MARCHF1: variants seen among roughly 807,000 people sequenced by gnomAD.
MARCHF1 encodes membrane associated ring-CH-type finger 1.
A neutral mutation model predicts 54.2 loss-of-function variants in MARCHF1; 40 were observed. The observed-to-expected ratio is 0.74, with a 90% CI of 0.57 to 0.96. The LOEUF (loss-of-function observed/expected upper bound fraction) is 0.96, where lower values mean the gene tolerates loss of function less well. Among genes scored for constraint, MARCHF1 ranks in the 40% least tolerant of loss-of-function variants. MARCHF1 has a pLI of 0.00. For synonymous variants in MARCHF1, 236 were observed against 236.3 expected, an observed-to-expected ratio of 1.00 and a Z score of 0.01; for missense variants, 586 against 656.5, an observed-to-expected ratio of 0.89 and a Z score of 1.17.
In MARCHF1 at chr4:164,158,732, C is replaced by T. The variant is rs540887089; in HGVS notation, c.-322-47070G>A. On this transcript the variant is annotated intron_variant, in intron 1 of 9. Transcript: ENST00000514618. ...TTAACTGTTCCACATGCATCCTCTC[C>T]CCAGCCAGACTGACCTATGTGTTGC... Among the ~76,000 whole-genome samples, 13 of 152,212 alleles carry T rather than the reference C, an allele frequency of 8.5e-5. No homozygotes were observed. In the South Asian group the frequency reaches 2.7e-3, roughly 32 times the overall value.
At chr4:164,212,867 A>C (rs1160464308) in intron 1 of MARCHF1, among the ~76,000 whole-genome samples, 1 of 152,160 alleles carries the variant, frequency 6.6e-6, no homozygotes, top group Non-Finnish European at 1.5e-5. Flanking sequence ...GTGTTTATGC[A>C]ATCATCCAAC....
At position 163,832,797 on chromosome 4, in the gene MARCHF1, T is replaced by C. The variant is rs1175242699; in HGVS notation, c.111+21224A>G. Among the ~76,000 whole-genome samples, 4 of 140,700 alleles carry C rather than the reference T, an allele frequency of 2.8e-5. No individual in the cohort carries two copies. In the Admixed American group the frequency reaches 2.9e-4, roughly 10 times the overall value. The allele number at this position is 140,700 out of a possible 152,430, so 92.3% of individuals were successfully genotyped here. A position where few individuals can be genotyped will look rare whatever the true frequency, so the allele number is the denominator to read the frequency against. On this transcript the variant is annotated intron_variant, in intron 4 of 9. Coordinates refer to ENST00000514618, the MANE Select transcript of MARCHF1 (RefSeq NM_001394959.1). ...ATGTTCCCCTTCCTGTGTCCATGTG[T>C]TCTCATTGTTCAATTCCCACCTACG...
rs543612534 is a variant in MARCHF1, at chr4:163,742,347, TCTCC to T, written c.112-41488_112-41485del. 1.2e-3 allele frequency among the ~76,000 whole-genome samples: 148 copies of T among 124,266 alleles called. 1 individual carries two copies. The highest frequency in any genetic ancestry group is 2.1e-3 in the Admixed American group (24 of 11,584). 81.5% of individuals were successfully genotyped at this position (124,266 alleles called of 152,430 possible). ...CTCCCTCCCTTTCCCTCCCTCCCTC[TCTCC>T]CTCCCTCCCTCCCTCTCTCCCTCCC... On this transcript the variant is annotated intron_variant, in intron 4 of 9. Transcript: ENST00000514618.
intron 2 of MARCHF1, among the ~76,000 whole-genome samples, chr4:164,021,536 C>T (rs541465428): frequency 6.6e-6 from 1 of 152,152 alleles, no homozygotes; most frequent in South Asian, 2.1e-4. Flanking sequence ...CTGAGCTTTG[C>T]TTTTTGTATT....
At chr4:163,550,281 C>CAAAA (rs60320461) in intron 8 of MARCHF1, among the ~76,000 whole-genome samples, 10 of 105,082 alleles carry the variant, frequency 9.5e-5, no homozygotes, top group African/African-American at 2.1e-4. Context: ...GACTCCGTCT[C>CAAAA]AAAAAAAAAA....
intron 4 of MARCHF1, among the ~76,000 whole-genome samples, chr4:163,762,030 G>A (rs936486420): frequency 6.6e-6 from 1 of 152,078 alleles, no homozygotes; most frequent in Admixed American, 6.6e-5. Flanking sequence ...TAAAGCAATA[G>A]GACAGGAATT....
rs1266904991 is a variant in MARCHF1, at chr4:163,612,608, A to G, written c.673T>C (p.Cys225Arg). ...TGGAGATTTAAAGAGCAACTCTCAC[A>G]TTCAATCAGCTCTTGTTGCTCTTTA... ...KGKEQQELIE[C>R]ESCSLNLHRG... Residue 225 changes from cysteine (C) to arginine (R), a missense_variant, in exon 7 of 10, where the codon TGT (cysteine) becomes CGT (arginine). Cys to Arg is a radical substitution (Grantham distance 180, BLOSUM62 -3). This residue lies in a region of MARCHF1 where 387 missense variants were observed against 394.6 expected (regional missense o/e 0.98). Coordinates refer to ENST00000514618, the MANE Select transcript of MARCHF1 (RefSeq NM_001394959.1). The G allele has an allele frequency of 2.6e-6, 4 of 1,535,452 alleles. No homozygotes were observed. In the African/African-American group the frequency reaches 4.1e-5, roughly 16 times the overall value.
chr4:163,812,362 T>C (rs1748415231), intron 4 of MARCHF1, among the ~76,000 whole-genome samples: 1 of 151,990 alleles, frequency 6.6e-6, no homozygotes, highest in African/African-American at 2.4e-5. Context: ...TATATACATA[T>C]TGATTCTATT....
chr4:164,142,953 T>C (rs981743904), intron 1 of MARCHF1, among the ~76,000 whole-genome samples: 10 of 151,884 alleles, frequency 6.6e-5, no homozygotes, highest in African/African-American at 2.4e-4. Context: ...ATAACTAGAA[T>C]AACCAAAACA....
At chr4:164,309,969 C>T (rs1734803130) in intron 1 of MARCHF1, among the ~76,000 whole-genome samples, 1 of 151,766 alleles carries the variant, frequency 6.6e-6, no homozygotes, top group African/African-American at 2.4e-5. Context: ...TTGTCTTTCA[C>T]AACAAATCAT....
At chr4:164,013,737 A>G (rs190232298) in intron 2 of MARCHF1, among the ~76,000 whole-genome samples, 1,023 of 90,198 alleles carry the variant, frequency 0.011, 11 homozygotes, top group African/African-American at 0.03. Context: ...CAAAGTGCTG[A>G]TGGAAAAAAA....
intron 1 of MARCHF1, among the ~76,000 whole-genome samples, chr4:164,166,626 T>C (rs28696232): frequency 0.013 from 1,980 of 152,014 alleles, 40 homozygotes; most frequent in African/African-American, 0.042. Context: ...CTATTTAGCA[T>C]AGTACTGGAA....
intron 1 of MARCHF1, among the ~76,000 whole-genome samples, chr4:164,186,576 T>G (rs1219274458): frequency 6.6e-6 from 1 of 152,200 alleles, no homozygotes; most frequent in Non-Finnish European, 1.5e-5. Context: ...CAGTATGATC[T>G]GAGGTGAAGA....
intron 3 of MARCHF1, among the ~76,000 whole-genome samples, chr4:163,939,503 TC>T (rs1751866831): frequency 6.6e-6 from 1 of 152,180 alleles, no homozygotes; most frequent in Non-Finnish European, 1.5e-5. Context: ...TCTGTGATAA[TC>T]ACTCTTCACA....
chr4:164,065,550 G>A (rs905797881), intron 2 of MARCHF1, among the ~76,000 whole-genome samples: 6 of 152,138 alleles, frequency 3.9e-5, no homozygotes, highest in African/African-American at 1.4e-4. Flanking sequence ...ATCAGTCAGG[G>A]TTCTCCAGAG....
At chr4:164,127,713 GAAGA>G (rs1174601398) in intron 1 of MARCHF1, among the ~76,000 whole-genome samples, 1 of 152,112 alleles carries the variant, frequency 6.6e-6, no homozygotes, top group African/African-American at 2.4e-5. Context: ...AAAATTATGT[GAAGA>G]AAGCTTCAAA....
intron 1 of MARCHF1, among the ~76,000 whole-genome samples, chr4:164,113,006 G>A (rs941897230): frequency 6.6e-6 from 1 of 151,306 alleles, no homozygotes; most frequent in Admixed American, 6.6e-5. Context: ...AAATAAATTT[G>A]ACAAATTAAA....
In MARCHF1 at chr4:163,854,181, T is replaced by C; in HGVS notation, c.-38-12A>G. ...CAATTTCTGAAATTCTGAAAATAAT[T>C]TACATTCCCTGAAACAGGTCACTTA... On this transcript the variant is annotated splice_polypyrimidine_tract_variant and intron_variant, in intron 3 of 9. Transcript: ENST00000514618. The C allele has an allele frequency of 4.0e-6, 6 of 1,496,992 alleles. No homozygotes were observed. Among genetic ancestry groups the C allele is most frequent in the Non-Finnish European group, 5.3e-6 (6 of 1,123,838 alleles). The allele number at this position is 1,496,992 out of a possible 1,614,324, so 92.7% of individuals were successfully genotyped here.
chr4:164,268,893 C>A (rs1180628719), intron 1 of MARCHF1, among the ~76,000 whole-genome samples: 2 of 151,988 alleles, frequency 1.3e-5, no homozygotes, highest in African/African-American at 4.8e-5. Context: ...GAAGGAGCTG[C>A]CATTTACTAG....
Sources: gnomAD v4.1 joint callset for allele counts (sites outside exome capture counted in the v4.1 genomes callset) on GRCh38, gnomAD v4.1.1 for gene constraint, gnomAD v4.1.1 regional missense constraint, MANE v1.5 for transcripts, NCBI Gene and HGNC (gene_info 2026-07-23, HGNC 2026-07-21) for gene names.